The following CSNK1G1 variants were observed in gnomAD, a reference collection of about 807,000 sequenced individuals.
CSNK1G1 encodes the protein casein kinase I isoform gamma-1.
Under a neutral mutation model 59.6 loss-of-function variants are expected in CSNK1G1, and 22 were observed. The ratio of observed to expected loss-of-function variants is 0.37; its 90% CI spans 0.26 to 0.53. The LOEUF (loss-of-function observed/expected upper bound fraction) is 0.53. Among genes scored for constraint, CSNK1G1 ranks in the 20% least tolerant of loss-of-function variants. The probability of loss-of-function intolerance (pLI) is 0.89; values close to 1 mark genes in which losing one functional copy is unlikely to be tolerated. For missense variants in CSNK1G1, 384 were observed against 519.5 expected (o/e 0.74, Z 2.54); for synonymous variants, 179 against 177.1 (o/e 1.01, Z -0.08).
At chr15:64,271,662 G>T (rs924561883) in intron 2 of CSNK1G1, among the ~76,000 whole-genome samples, 2 of 152,178 alleles carry the variant, frequency 1.3e-5, no homozygotes, top group Non-Finnish European at 2.9e-5. Context: ...AATTTGCTGA[G>T]AATTGTTTTA....
intron 2 of CSNK1G1, among the ~76,000 whole-genome samples, chr15:64,294,685 C>A (rs544219166): frequency 1.4e-5 from 2 of 147,246 alleles, no homozygotes; most frequent in Non-Finnish European, 3.0e-5. Flanking sequence ...CCAAGGCAGG[C>A]AGATCACCTG....
intron 2 of CSNK1G1, among the ~76,000 whole-genome samples, chr15:64,275,378 G>A (rs1366019345): frequency 2.0e-5 from 3 of 152,090 alleles, no homozygotes; most frequent in Non-Finnish European, 4.4e-5. Context: ...GGGGTAAGAA[G>A]ATAACGATAG....
chr15:64,221,682 G>T (rs991641920), intron 4 of CSNK1G1, among the ~76,000 whole-genome samples: 1 of 151,702 alleles, frequency 6.6e-6, no homozygotes, highest in Non-Finnish European at 1.5e-5. Flanking sequence ...GCCTCTCTGG[G>T]TTAGCTTATT....
At chr15:64,243,405 A>G (rs1399201654) in intron 4 of CSNK1G1, among the ~76,000 whole-genome samples, 1 of 152,118 alleles carries the variant, frequency 6.6e-6, no homozygotes, top group Non-Finnish European at 1.5e-5. Context: ...ACATACCTCA[A>G]TGTAACAAAG....
rs2082095694 is a variant in CSNK1G1 at position 64,200,713 on chromosome 15, T to G, written c.1107+2369A>C. Among the ~76,000 whole-genome samples, 1 of 152,186 alleles carries G rather than the reference T, an allele frequency of 6.6e-6. No homozygotes were observed. Among genetic ancestry groups the G allele is most frequent in the South Asian group, 2.1e-4 (1 of 4,836 alleles). ...ATATTACTACACTTCCAACCCTATT[T>G]CTGTTAATAATTTTGATCTCCTTCC... On this transcript the variant is annotated intron_variant, in intron 10 of 11. Coordinates refer to ENST00000303052, the MANE Select transcript of CSNK1G1 (RefSeq NM_022048.5). This position sits in a 1 kb window ranked among gnomAD's most constrained non-coding sequence, Gnocchi z 4.3.
intron 4 of CSNK1G1, among the ~76,000 whole-genome samples, chr15:64,219,833 G>A (rs2082363107): frequency 6.7e-6 from 1 of 149,286 alleles, no homozygotes. Context: ...GAGTGCAGTG[G>A]CACGATCTCA....
At chr15:64,345,801 AT>A (rs879686828) in intron 1 of CSNK1G1, among the ~76,000 whole-genome samples, 73 of 150,846 alleles carry the variant, frequency 4.8e-4, no homozygotes, top group Admixed American at 9.9e-4. Context: ...AAAAAAACTT[AT>A]TTTTTTTTGA....
chr15:64,321,686 G>A (rs1439435172), intron 1 of CSNK1G1, among the ~76,000 whole-genome samples: 1 of 152,170 alleles, frequency 6.6e-6, no homozygotes, highest in African/African-American at 2.4e-5. Context: ...TTCTGATATT[G>A]TACTCAATTA....
intron 4 of CSNK1G1, among the ~76,000 whole-genome samples, chr15:64,218,647 C>T (rs184100757): frequency 1.3e-5 from 2 of 152,196 alleles, no homozygotes; most frequent in Admixed American, 6.5e-5. Flanking sequence ...CCTCAGCCTC[C>T]CAAAATGCTG....
chr15:64,251,330 A>G, intron 4 of CSNK1G1, 182 bp downstream of exon 4: 1 of 523,532 alleles, frequency 1.9e-6, no homozygotes, highest in Admixed American at 3.4e-5. Context: ...TCCCCTGTCA[A>G]CTCAACTCCA....
At chr15:64,204,003 C>T (rs1278154092) in intron 9 of CSNK1G1, among the ~76,000 whole-genome samples, 1 of 151,266 alleles carries the variant, frequency 6.6e-6, no homozygotes, top group Non-Finnish European at 1.5e-5. Flanking sequence ...ATTAGCCGGG[C>T]GTGGTGGTGT....
intron 1 of CSNK1G1, among the ~76,000 whole-genome samples, chr15:64,311,420 G>A (rs1895989316): frequency 6.6e-6 from 1 of 152,182 alleles, no homozygotes; most frequent in Admixed American, 6.5e-5. Flanking sequence ...AAGGAGTTTG[G>A]ATAATTTCCA....
intron 2 of CSNK1G1, among the ~76,000 whole-genome samples, chr15:64,293,026 C>T (rs980044773): frequency 1.3e-5 from 2 of 152,148 alleles, no homozygotes. Flanking sequence ...ATTTTCTTAA[C>T]TCTAGAGGAA....
intron 4 of CSNK1G1, among the ~76,000 whole-genome samples, chr15:64,251,008 A>T (rs2140318047): frequency 6.6e-6 from 1 of 152,310 alleles, no homozygotes; most frequent in Non-Finnish European, 1.5e-5. Context: ...GATTAACTTA[A>T]TTTTTAAAAA....
rs923081629 is a variant in CSNK1G1, at chr15:64,167,124, A to C, written c.*4807T>G. On this transcript the variant is annotated 3_prime_UTR_variant, in exon 12 of 12. Coordinates refer to ENST00000303052, the MANE Select transcript of CSNK1G1 (RefSeq NM_022048.5). ...CTCACTATTTTGAATACAATGAGAA[A>C]ACTATTTTTTTGTACTTAGTCACCT... 4 of 152,240 alleles carry C rather than the reference A, an allele frequency of 2.6e-5. No individual in the cohort carries two copies. Among genetic ancestry groups the C allele is most frequent in the African/African-American group, 7.2e-5 (3 of 41,454 alleles). The allele number at this position is 152,240 out of a possible 1,614,324, so 9.4% of individuals were successfully genotyped here.
At chr15:64,211,202 C>T (rs538684375) in intron 6 of CSNK1G1, among the ~76,000 whole-genome samples, 2 of 152,338 alleles carry the variant, frequency 1.3e-5, no homozygotes, top group South Asian at 2.1e-4. Flanking sequence ...GAGGCTTCTT[C>T]TCTTGTCCTC....
At chr15:64,315,271 G>A (rs1896208600) in intron 1 of CSNK1G1, among the ~76,000 whole-genome samples, 1 of 152,148 alleles carries the variant, frequency 6.6e-6, no homozygotes, top group African/African-American at 2.4e-5. Flanking sequence ...TTTCCAGAAA[G>A]GAAAAAGCAG....
intron 4 of CSNK1G1, among the ~76,000 whole-genome samples, chr15:64,241,215 A>T (rs1046019367): frequency 3.3e-5 from 5 of 152,206 alleles, no homozygotes; most frequent in African/African-American, 1.2e-4. Flanking sequence ...AGCAAGGAGG[A>T]GTAGATATAT....
Position 64,307,689 on chromosome 15 carries a change from G to T in CSNK1G1, c.-224-6966C>A, listed in dbSNP as rs562174589. ...TCTTGTCAGCAACTTACTTGTTTTT[G>T]ATTTTGTTTTTGTTTGAGACGGAGT... On this transcript the variant is annotated intron_variant, in intron 1 of 11. Coordinates refer to ENST00000303052, the MANE Select transcript of CSNK1G1 (RefSeq NM_022048.5). Among the ~76,000 whole-genome samples, 425 of 152,242 alleles carry T rather than the reference G, an allele frequency of 2.8e-3. 3 individuals are homozygous for T. Among genetic ancestry groups the T allele is most frequent in the African/African-American group, 9.5e-3 (393 of 41,556 alleles).
Sources: gnomAD v4.1 joint callset for allele counts (sites outside exome capture counted in the v4.1 genomes callset) on GRCh38, gnomAD v4.1.1 for gene constraint, Gnocchi (gnomAD v3.1) non-coding constraint, MANE v1.5 for transcripts, NCBI Gene and HGNC (gene_info 2026-07-23, HGNC 2026-07-21) for gene names.